Variants in SUMF1 observed in about 807,000 individuals in gnomAD.
SUMF1 encodes the protein sulfatase modifying factor 1.
A neutral mutation model predicts 47.6 loss-of-function variants in SUMF1; 48 were observed. The observed-to-expected ratio is 1.01, with a 90% CI of 0.80 to 1.28. SUMF1 has a LOEUF of 1.28. Among genes scored for constraint, SUMF1 ranks in the 50% most tolerant of loss-of-function variants. The pLI is 0.00. For synonymous variants in SUMF1, 230 were observed against 192.1 expected (o/e 1.20, Z -1.63); for missense variants, 571 against 485.4 (o/e 1.18, Z -1.66).
At chr3:4,390,517 C>T (rs1700826344) in intron 7 of SUMF1, among the ~76,000 whole-genome samples, 2 of 152,140 alleles carry the variant, frequency 1.3e-5, no homozygotes, top group South Asian at 4.1e-4. Context: ...TTGAGACTTC[C>T]TTTGTCTACA....
intron 3 of SUMF1, among the ~76,000 whole-genome samples, chr3:4,427,289 T>C (rs1364408033): frequency 6.6e-6 from 1 of 152,186 alleles, no homozygotes; most frequent in Non-Finnish European, 1.5e-5. Flanking sequence ...AGTATAAACA[T>C]GACAGCTACC....
chr3:4,095,289 C>T (rs992521358), intron 8 of SUMF1, among the ~76,000 whole-genome samples: 9 of 152,108 alleles, frequency 5.9e-5, no homozygotes, highest in African/African-American at 2.2e-4. Flanking sequence ...AGCAACAGAA[C>T]AAATGGAGTT....
intron 8 of SUMF1, among the ~76,000 whole-genome samples, chr3:4,185,310 A>C (rs1031211078): frequency 2.1e-4 from 32 of 152,206 alleles, no homozygotes; most frequent in Non-Finnish European, 1.0e-4. Context: ...CAGTACACCA[A>C]AATAACCAAT....
At chr3:4,314,069 G>A (rs991412718) in intron 8 of SUMF1, 5 of 479,898 alleles carry the variant, frequency 1.0e-5, no homozygotes, top group African/African-American at 2.0e-5. Context: ...TCTTCCTGCT[G>A]GCTGGAATGT....
chr3:4,350,904 A>G (rs1477415756), intron 8 of SUMF1, among the ~76,000 whole-genome samples: 1 of 152,016 alleles, frequency 6.6e-6, no homozygotes, highest in African/African-American at 2.4e-5. Flanking sequence ...CCTAAATAAA[A>G]GGTTTGCCAA....
At chr3:4,400,333 C>A (rs181709523) in intron 7 of SUMF1, among the ~76,000 whole-genome samples, 2 of 152,132 alleles carry the variant, frequency 1.3e-5, no homozygotes, top group Non-Finnish European at 1.5e-5. Flanking sequence ...ATCCAAAAAA[C>A]CCGGGCTTTG....
chr3:4,073,705 C>G (rs1167662981), intron 8 of SUMF1, among the ~76,000 whole-genome samples: 5 of 152,060 alleles, frequency 3.3e-5, no homozygotes, highest in Non-Finnish European at 7.4e-5. Context: ...TCTGAGAAAA[C>G]ACACTTTAAA....
At chr3:4,296,448 G>C (rs1343820810) in intron 8 of SUMF1, among the ~76,000 whole-genome samples, 1 of 132,028 alleles carries the variant, frequency 7.6e-6, no homozygotes, top group Non-Finnish European at 1.7e-5. Flanking sequence ...TAAAGGAAAA[G>C]AGGTTTAATG....
rs377586762 is a variant in SUMF1 at position 4,130,984 on chromosome 3, G to A, written c.1015-62239C>T. Among the ~76,000 whole-genome samples the A allele has an allele frequency of 2.5e-4, 38 of 152,210 alleles. No individual in the cohort carries two copies. In the South Asian group the frequency reaches 7.9e-3, roughly 32 times the overall value. ...TGGAGCCTTTGGCAGGCCCCCATAG[G>A]TGAATCACTGCAGAGCCCTGTAGGA... On this transcript the variant is annotated intron_variant and NMD_transcript_variant, in intron 8 of 12. Coordinates refer to the SUMF1 transcript ENST00000448413.
At chr3:4,071,305 G>A (rs942935371) in intron 8 of SUMF1, among the ~76,000 whole-genome samples, 5 of 152,138 alleles carry the variant, frequency 3.3e-5, no homozygotes, top group African/African-American at 4.8e-5. Context: ...GATGGACAGT[G>A]GGTGCAGCCC....
At position 4,253,410 on chromosome 3, in the gene SUMF1, G is replaced by A. The variant is rs568427780; in HGVS notation, c.1014+122920C>T. 1.7e-4 allele frequency among the ~76,000 whole-genome samples: 26 copies of A among 152,326 alleles called. No individual in the cohort carries two copies. The South Asian group carries it at 3.1e-3, about 18-fold the overall frequency. ...GCGCAGGCCAGTGGGTGCGTGCACC[G>A]TGCACGAGCGGAAGCAGGGCGAGGC... On this transcript the variant is annotated intron_variant and NMD_transcript_variant, in intron 8 of 12. Transcript: ENST00000448413.
chr3:4,195,114 A>T (rs150945759), intron 8 of SUMF1, among the ~76,000 whole-genome samples: 1 of 152,268 alleles, frequency 6.6e-6, no homozygotes, highest in African/African-American at 2.4e-5. Flanking sequence ...TATAGCAAGG[A>T]AACACAAATT....
At chr3:4,309,017 T>G (rs1220141454) in intron 8 of SUMF1, among the ~76,000 whole-genome samples, 1 of 152,168 alleles carries the variant, frequency 6.6e-6, no homozygotes, top group African/African-American at 2.4e-5. Context: ...AAAACGTACA[T>G]TGGTTCAGTC....
intron 8 of SUMF1, among the ~76,000 whole-genome samples, chr3:4,069,886 A>T (rs1230327373): frequency 1.3e-5 from 2 of 152,172 alleles, no homozygotes; most frequent in Non-Finnish European, 2.9e-5. Context: ...CCTATAGAGA[A>T]TCCCCTTTCC....
Position 4,126,937 on chromosome 3 carries a change from G to C in SUMF1, c.1015-58192C>G, listed in dbSNP as rs570355286. On this transcript the variant is annotated intron_variant and NMD_transcript_variant, in intron 8 of 12. Transcript: ENST00000448413. ...AGGTAAGTCACTGATACTTAAAAGA[G>C]GGTAAATGATTCCACATCGTGAAGA... 1.2e-3 allele frequency among the ~76,000 whole-genome samples: 184 copies of C among 152,166 alleles called. 1 individual carries two copies. Among genetic ancestry groups the C allele is most frequent in the Middle Eastern group, 3.4e-3 (1 of 294 alleles).
In SUMF1 at chr3:4,252,696, G is replaced by A. The variant is rs748326932; in HGVS notation, c.1014+123634C>T. Among the ~76,000 whole-genome samples the A allele has an allele frequency of 1.3e-5, 2 of 152,042 alleles. 1 individual carries two copies. The highest frequency in any genetic ancestry group is 2.9e-5 in the Non-Finnish European group (2 of 68,016). ...CTTCCCAATGTGCTACATGCACCGG[G>A]CCAACCCCTTTAATGAAGGGGAAAA... On this transcript the variant is annotated intron_variant and NMD_transcript_variant, in intron 8 of 12. Transcript: ENST00000448413.
intron 8 of SUMF1, among the ~76,000 whole-genome samples, chr3:4,253,236 A>C (rs1696848173): frequency 6.6e-6 from 1 of 152,164 alleles, no homozygotes; most frequent in African/African-American, 2.4e-5. Context: ...CCATTGGAAA[A>C]AAAATGGAAA....
chr3:4,105,146 G>A (rs1693129519), intron 8 of SUMF1, among the ~76,000 whole-genome samples: 1 of 152,108 alleles, frequency 6.6e-6, no homozygotes, highest in African/African-American at 2.4e-5. Flanking sequence ...GGCAAATACT[G>A]CATGATCTCA....
chr3:4,280,814 CGTGTGTGTGTGTGTGTGTGTGTGT>C lies in SUMF1; in HGVS notation c.1014+95492_1014+95515del, dbSNP rs56919301. On this transcript the variant is annotated intron_variant and NMD_transcript_variant, in intron 8 of 12. Transcript: ENST00000448413. ...ACTCCAATCTTCAAATGGCATTCAC[CGTGTGTGTGTGTGTGTGTGTGTGT>C]GTGTGTGTGTGTGTGTGTGTGTGTG... Among the ~76,000 whole-genome samples the C allele has an allele frequency of 3.4e-3, 464 of 138,124 alleles. 3 individuals are homozygous for C. Among genetic ancestry groups the C allele is most frequent in the African/African-American group, 0.011 (413 of 38,140 alleles). 90.6% of individuals were successfully genotyped at this position (138,124 alleles called of 152,430 possible). A position where few individuals can be genotyped will look rare whatever the true frequency, so the allele number is the denominator to read the frequency against.
Sources: allele counts gnomAD v4.1 joint callset (sites outside exome capture counted in the v4.1 genomes callset), GRCh38; gene constraint gnomAD v4.1.1; transcripts MANE v1.5; gene names NCBI Gene and HGNC (gene_info 2026-07-23, HGNC 2026-07-21).